MTERF4: variants seen among roughly 807,000 people sequenced by gnomAD.
MTERF4 encodes the protein transcription termination factor 4, mitochondrial.
In MTERF4, 17 loss-of-function variants were observed where a neutral mutation model predicts 22.5. The observed-to-expected ratio is 0.75, with a 90% CI of 0.52 to 1.13. MTERF4 has a LOEUF of 1.13. MTERF4 is among the 50% of genes most tolerant of loss of function. The pLI is 0.00. For missense variants in MTERF4, 420 were observed against 466.8 expected (o/e 0.90, Z 0.92); for synonymous variants, 165 against 175.3 (o/e 0.94, Z 0.47).
chr2:241,060,603 T>C, the MTERF4 span, among the ~76,000 whole-genome samples: 2 of 151,968 alleles, frequency 1.3e-5, no homozygotes, highest in Admixed American at 6.6e-5. Context: ...TTTCATACAC[T>C]GGAATTAAAT....
intron 4 of MTERF4, among the ~76,000 whole-genome samples, chr2:241,078,184 A>T (rs942861559): frequency 2.0e-5 from 3 of 151,804 alleles, no homozygotes; most frequent in African/African-American, 7.3e-5. Flanking sequence ...GGCGTTCGAG[A>T]CAAGTCTGGC....
chr2:241,099,135 C>T (rs1044699185), intron 2 of MTERF4: 8 of 359,172 alleles, frequency 2.2e-5, no homozygotes, highest in Admixed American at 8.7e-5. Context: ...AGTGCAGTGG[C>T]GCCATCTCAG....
At chr2:241,072,922 T>G (rs1393794795) in exon 5 of MTERF4, 12 of 319,584 alleles carry the variant, frequency 3.8e-5, no homozygotes, top group South Asian at 7.6e-5. Flanking sequence ...GAAGCAGGGG[T>G]GGAAGGAGAG....
intron 4 of MTERF4, among the ~76,000 whole-genome samples, chr2:241,076,938 G>T (rs2063051198): frequency 6.6e-6 from 1 of 152,176 alleles, no homozygotes; most frequent in Middle Eastern, 3.2e-3. Context: ...AATTAGCTGG[G>T]CATGGTGGCG....
downstream of MTERF4, chr2:241,089,472 C>T: frequency 2.0e-6 from 3 of 1,524,102 alleles, no homozygotes; most frequent in South Asian, 3.8e-5. Context: ...AGTGTCCACA[C>T]CCCCTTGGGG....
chr2:241,062,579 C>T, the MTERF4 span, among the ~76,000 whole-genome samples: 2 of 152,280 alleles, frequency 1.3e-5, no homozygotes, highest in East Asian at 1.9e-4. Flanking sequence ...GTTTCAAGCC[C>T]GCCCTGCTGC....
chr2:241,056,598 T>TTTTTTTTTTTGG, the MTERF4 span, among the ~76,000 whole-genome samples: 1 of 149,662 alleles, frequency 6.7e-6, no homozygotes. Flanking sequence ...TTTTTTTTTT[T>TTTTTTTTTTTGG]GAGACGGAGT....
the MTERF4 span, chr2:241,064,161 C>G: frequency 2.2e-6 from 3 of 1,391,544 alleles, no homozygotes; most frequent in Admixed American, 4.1e-5. The surrounding 1 kb of genome is among the most constrained non-coding windows in gnomAD (Gnocchi z 7.0). Flanking sequence ...CCGCCCTCTG[C>G]CCGCCTGCTC....
the MTERF4 span, chr2:241,053,449 C>G: frequency 5.2e-6 from 5 of 957,048 alleles, no homozygotes; most frequent in African/African-American, 5.0e-5. Context: ...TGGTCCTGCC[C>G]CTGCTCCCCT....
chr2:241,054,919 C>A, the MTERF4 span, among the ~76,000 whole-genome samples: 2 of 152,112 alleles, frequency 1.3e-5, no homozygotes, highest in Non-Finnish European at 2.9e-5. Context: ...GAGTTCGAGA[C>A]CAGCCTGGCC....
downstream of MTERF4, chr2:241,071,707 A>T (rs771781647): frequency 1.2e-6 from 1 of 805,482 alleles, no homozygotes; most frequent in Non-Finnish European, 1.8e-6. Flanking sequence ...CGAGACCCCC[A>T]CCCAGCCCCC....
chr2:241,081,818 C>A, intron 4 of MTERF4: 2 of 1,515,920 alleles, frequency 1.3e-6, no homozygotes, highest in Non-Finnish European at 1.8e-6. Context: ...GGCCTCAGGG[C>A]GCCCCTTCCA....
exon 5 of MTERF4, chr2:241,072,226 C>G (rs1385711599): frequency 3.9e-6 from 2 of 516,512 alleles, no homozygotes; most frequent in Admixed American, 2.3e-5. Context: ...TTTTAGTAAA[C>G]CATGGGCAGG....
At chr2:241,065,121 C>G in the MTERF4 span, among the ~76,000 whole-genome samples, 667 of 152,144 alleles carry the variant, frequency 4.4e-3, 1 homozygote, top group African/African-American at 0.015. Context: ...GAAACACGGT[C>G]ACACATTCAA....
At chr2:241,085,428 A>G (rs920969163), downstream of MTERF4, among the ~76,000 whole-genome samples, 5 of 152,140 alleles carry the variant, frequency 3.3e-5, no homozygotes, top group African/African-American at 1.2e-4. Context: ...CAGAAGTTTC[A>G]TTTAGTTGTT....
downstream of MTERF4, among the ~76,000 whole-genome samples, chr2:241,082,797 G>C (rs573684967): frequency 6.6e-5 from 10 of 152,346 alleles, no homozygotes; most frequent in African/African-American, 2.4e-4. Flanking sequence ...CTCCAAAATG[G>C]GCTGTGGAGG....
downstream of MTERF4, among the ~76,000 whole-genome samples, chr2:241,069,612 C>T (rs1239284405): frequency 1.3e-5 from 2 of 152,190 alleles, no homozygotes; most frequent in Non-Finnish European, 2.9e-5. The surrounding 1 kb of genome is among the most constrained non-coding windows in gnomAD (Gnocchi z 4.9). Flanking sequence ...GGGCTCCACG[C>T]AGCCAGGCTC....
At chr2:241,070,254 A>G, downstream of MTERF4, 1 of 1,534,276 alleles carries the variant, frequency 6.5e-7, no homozygotes, top group South Asian at 1.2e-5. Flanking sequence ...CCAGCCCTCC[A>G]CCCTGTTCAG....
chr2:241,081,219 CAG>C (rs1050454603), intron 4 of MTERF4, among the ~76,000 whole-genome samples: 22 of 152,140 alleles, frequency 1.4e-4, no homozygotes, highest in African/African-American at 3.1e-4. Flanking sequence ...ACAGGAAACA[CAG>C]GGGTGGGATC....
Sources: allele counts gnomAD v4.1 joint callset (sites outside exome capture counted in the v4.1 genomes callset), GRCh38; gene constraint gnomAD v4.1.1; non-coding constraint Gnocchi (gnomAD v3.1); transcripts MANE v1.5; gene names NCBI Gene and HGNC (gene_info 2026-07-23, HGNC 2026-07-21).